The following CFAP61 variants were observed in gnomAD, a reference collection of about 807,000 sequenced individuals.
CFAP61 encodes cilia- and flagella-associated protein 61.
A neutral mutation model predicts 135.6 loss-of-function variants in CFAP61; 107 were observed. That is an observed-to-expected ratio of 0.79 (90% CI 0.67 to 0.93). CFAP61 has a LOEUF of 0.93. Among genes scored for constraint, CFAP61 ranks in the 40% least tolerant of loss-of-function variants. The pLI, the probability that CFAP61 is intolerant of heterozygous loss-of-function variation, is 0.00. For synonymous variants in CFAP61, 575 were observed against 578.5 expected (o/e 0.99, Z 0.09); for missense variants, 1,507 against 1,556.2 (o/e 0.97, Z 0.53).
intron 21 of CFAP61, chr20:20,267,911 G>A (rs922225441): frequency 2.0e-5 from 3 of 152,164 alleles, no homozygotes; most frequent in African/African-American, 7.2e-5. Context: ...AGGCTGGTTG[G>A]AGTTTTTCTA....
At chr20:20,182,331 C>T (rs2055167240) in intron 13 of CFAP61, among the ~76,000 whole-genome samples, 1 of 152,188 alleles carries the variant, frequency 6.6e-6, no homozygotes, top group African/African-American at 2.4e-5. Context: ...TGCATCCTTA[C>T]AACTTTGTCT....
intron 17 of CFAP61, among the ~76,000 whole-genome samples, chr20:20,212,736 G>A (rs1041403254): frequency 1.1e-4 from 16 of 152,220 alleles, no homozygotes; most frequent in Non-Finnish European, 2.1e-4. Context: ...AGGCTTTTCT[G>A]TTGAAACCGC....
In CFAP61 at chr20:20,075,575, A is replaced by G. The variant is rs752997659; in HGVS notation, c.526A>G (p.Arg176Gly). 7.4e-6 allele frequency: 12 copies of G among 1,614,196 alleles called. No individual in the cohort carries two copies. In the South Asian group the frequency reaches 1.3e-4, roughly 18 times the overall value. ...AGACTTTGCAGTGCATATATGTCAC[A>G]GGCACAGCCACTATCCTCAGCTGCA... ...EEDFAVHICH[R>G]HSHYPQLHVR... Residue 176 changes from arginine to glycine, a missense_variant, in exon 6 of 27, where the codon AGG becomes GGG. Physicochemically the swap from Arg to Gly is moderately radical, Grantham distance 125. Coordinates refer to ENST00000245957, the MANE Select transcript of CFAP61 (RefSeq NM_015585.4).
chr20:20,078,970 A>G (rs1025126818), intron 6 of CFAP61, among the ~76,000 whole-genome samples: 4 of 152,242 alleles, frequency 2.6e-5, no homozygotes, highest in Non-Finnish European at 4.4e-5. Flanking sequence ...AGATAACTCA[A>G]TGTCGATAAA....
At chr20:20,213,597 TG>T (rs979491168) in intron 17 of CFAP61, among the ~76,000 whole-genome samples, 3 of 152,180 alleles carry the variant, frequency 2.0e-5, no homozygotes, top group African/African-American at 7.2e-5. Context: ...ACTCAACAGA[TG>T]TGTAGAGTAT....
chr20:20,314,534 AT>A (rs11478344), intron 25 of CFAP61, among the ~76,000 whole-genome samples: 22,255 of 149,094 alleles, frequency 0.15, 1,808 homozygotes, highest in East Asian at 0.28. Flanking sequence ...ATTATTATTT[AT>A]TTTTTTTATT....
At chr20:20,154,721 G>A (rs2052741575) in intron 9 of CFAP61, among the ~76,000 whole-genome samples, 1 of 151,874 alleles carries the variant, frequency 6.6e-6, no homozygotes, top group South Asian at 2.1e-4. Context: ...TAACCAAGAA[G>A]GTGAAAGACC....
intron 18 of CFAP61, among the ~76,000 whole-genome samples, chr20:20,238,957 C>G (rs2049810834): frequency 6.8e-6 from 1 of 145,990 alleles, no homozygotes; most frequent in South Asian, 2.2e-4. Context: ...TAACTTGAAA[C>G]TTTTTTTTTT....
intron 7 of CFAP61, among the ~76,000 whole-genome samples, chr20:20,091,478 T>C (rs958558695): frequency 7.2e-6 from 1 of 138,456 alleles, no homozygotes; most frequent in African/African-American, 2.8e-5. Context: ...TCTAATTCCC[T>C]CTCTCTCTCT....
intron 8 of CFAP61, among the ~76,000 whole-genome samples, chr20:20,128,953 A>G (rs1342851115): frequency 6.6e-6 from 1 of 151,602 alleles, no homozygotes; most frequent in Non-Finnish European, 1.5e-5. Flanking sequence ...CTCAATTTAC[A>G]TATTTTTATA....
At chr20:20,330,165 T>A (rs1569303572) in intron 25 of CFAP61, among the ~76,000 whole-genome samples, 1 of 152,152 alleles carries the variant, frequency 6.6e-6, no homozygotes, top group Non-Finnish European at 1.5e-5. Context: ...ACAGAGAAAA[T>A]TAATTTAATA....
intron 8 of CFAP61, among the ~76,000 whole-genome samples, chr20:20,126,104 C>G (rs2050045748): frequency 6.6e-6 from 1 of 151,636 alleles, no homozygotes; most frequent in Non-Finnish European, 1.5e-5. Flanking sequence ...TTATGTGGGT[C>G]CTTATGTGTG....
intron 24 of CFAP61, among the ~76,000 whole-genome samples, chr20:20,293,506 GT>G: frequency 6.6e-6 from 1 of 152,262 alleles, no homozygotes; most frequent in South Asian, 2.1e-4. Context: ...AAGTGAAATC[GT>G]TGCCAAAATG....
At chr20:20,054,026 T>G (rs1292406166) in intron 1 of CFAP61, among the ~76,000 whole-genome samples, 4 of 150,184 alleles carry the variant, frequency 2.7e-5, no homozygotes, top group Non-Finnish European at 5.9e-5. Context: ...TTTTTTTTTT[T>G]TTTTTTTTAG....
At chr20:20,186,551 C>T (rs1365150941) in intron 13 of CFAP61, among the ~76,000 whole-genome samples, 2 of 152,036 alleles carry the variant, frequency 1.3e-5, no homozygotes, top group Admixed American at 1.3e-4. Context: ...CTTTTGTGGT[C>T]TTGTTTGTTA....
chr20:20,247,436 A>G (rs948943385), intron 19 of CFAP61, among the ~76,000 whole-genome samples: 2 of 152,222 alleles, frequency 1.3e-5, no homozygotes, highest in African/African-American at 2.4e-5. Context: ...CCCTGCCTCC[A>G]CAGTCTCAGC....
chr20:20,259,174 T>C (rs1446948827), intron 20 of CFAP61, among the ~76,000 whole-genome samples: 31 of 149,264 alleles, frequency 2.1e-4, no homozygotes, highest in Non-Finnish European at 3.0e-5. Flanking sequence ...AAAATAAAAA[T>C]ATCTGGAGAA....
At chr20:20,229,502 T>C (rs1455496107) in intron 18 of CFAP61, among the ~76,000 whole-genome samples, 1 of 152,000 alleles carries the variant, frequency 6.6e-6, no homozygotes, top group Admixed American at 6.6e-5. Flanking sequence ...GATGGGAAAA[T>C]GCAGCCTACC....
chr20:20,355,088 A>AGGTGGTCACACTGTGAGAGGGAC (rs2059029581), intron 26 of CFAP61, among the ~76,000 whole-genome samples: 1 of 127,032 alleles, frequency 7.9e-6, no homozygotes, highest in Non-Finnish European at 1.6e-5. Context: ...GTGAGAGGGA[A>AGGTGGTCACACTGTGAGAGGGAC]GGTGGTCACA....
Sources: gnomAD v4.1 joint callset for allele counts (sites outside exome capture counted in the v4.1 genomes callset) on GRCh38, gnomAD v4.1.1 for gene constraint, MANE v1.5 for transcripts, NCBI Gene and HGNC (gene_info 2026-07-23, HGNC 2026-07-21) for gene names.